Variants in KIZ observed in about 807,000 individuals in gnomAD.
The protein encoded by KIZ is kizuna centrosomal protein.
Under a neutral mutation model 79.6 loss-of-function variants are expected in KIZ, and 68 were observed. The observed-to-expected ratio is 0.85, with a 90% CI of 0.70 to 1.05. The LOEUF (loss-of-function observed/expected upper bound fraction) is 1.05. KIZ is among the 50% of genes least tolerant of loss of function. The pLI is 0.00. For synonymous variants in KIZ, 280 were observed against 281.8 expected (o/e 0.99, Z 0.06); for missense variants, 797 against 800.4 (o/e 1.00, Z 0.05).
At position 21,142,807 on chromosome 20, in the gene KIZ, A is replaced by AAATAAATG. The variant is rs1370290058; in HGVS notation, c.316-2751_316-2750insGAATAAAT. ...CCTTGTCTCAAATAAATAAATAAAT[A>AAATAAATG]AATAAATAAAGTAAAATAGATGTGT... On this transcript the variant is annotated intron_variant, in intron 3 of 12. Coordinates refer to ENST00000619189, the MANE Select transcript of KIZ (RefSeq NM_018474.6). Among the ~76,000 whole-genome samples, 12 of 151,878 alleles carry AAATAAATG rather than the reference A, an allele frequency of 7.9e-5. No individual in the cohort carries two copies. In the South Asian group the frequency reaches 2.5e-3, roughly 32 times the overall value.
At chr20:21,235,538 G>A (rs76586047) in intron 11 of KIZ, among the ~76,000 whole-genome samples, 2,993 of 152,262 alleles carry the variant, frequency 0.02, 62 homozygotes, top group Admixed American at 0.061. Context: ...GCATGCCAGA[G>A]CTTCCTCTCC....
chr20:21,228,260 C>T (rs2036718821), intron 9 of KIZ, among the ~76,000 whole-genome samples: 2 of 152,202 alleles, frequency 1.3e-5, no homozygotes, highest in African/African-American at 4.8e-5. Flanking sequence ...TCCTGCATTT[C>T]ATCTGGGTGC....
Position 21,162,097 on chromosome 20 carries a change from C to T in KIZ, c.632C>T (p.Thr211Ile). The T allele has an allele frequency of 6.2e-7, 1 of 1,613,542 alleles. No homozygotes were observed. The highest frequency in any genetic ancestry group is 8.5e-7 in the Non-Finnish European group (1 of 1,179,604). Residue 211 changes from threonine (T) to isoleucine (I), a missense_variant, in exon 5 of 13, where the codon ACT becomes ATT. Physicochemically the swap from Thr to Ile is moderately conservative, Grantham distance 89. Coordinates refer to ENST00000619189, the MANE Select transcript of KIZ (RefSeq NM_018474.6). ...SNVTDSCVVQ[T>I]SNDTQCLNKS... ...GTGACAGACAGCTGTGTAGTACAAA[C>T]TAGTAATGACACACAGTGCTTAAAT... is the stretch of plus-strand genomic sequence containing the variant.
In KIZ at chr20:21,134,169, G is replaced by A. The variant is rs2032027440; in HGVS notation, c.152+2010G>A. Among the ~76,000 whole-genome samples, 3 of 152,142 alleles carry A rather than the reference G, an allele frequency of 2.0e-5. No individual in the cohort carries two copies. In the South Asian group the frequency reaches 6.2e-4, roughly 32 times the overall value. On this transcript the variant is annotated intron_variant, in intron 2 of 12. Coordinates refer to ENST00000619189, the MANE Select transcript of KIZ (RefSeq NM_018474.6). ...AGGAGGCGTGAGGTGGGCACAAAGGGTGTCTCATCCAGCAGCCCACCAGAC... is the reference window on the plus strand; with the variant it reads ...AGGAGGCGTGAGGTGGGCACAAAGGATGTCTCATCCAGCAGCCCACCAGAC...
chr20:21,142,790 C>CAAATAAATAAATAAATAAAT (rs56314647), intron 3 of KIZ, among the ~76,000 whole-genome samples: 1,684 of 147,938 alleles, frequency 0.011, 43 homozygotes, highest in African/African-American at 0.038. Context: ...GCCCTTGTCT[C>CAAATAAATAAATAAATAAAT]AAATAAATAA....
intron 4 of KIZ, chr20:21,154,018 C>A (rs984964022): frequency 6.6e-6 from 1 of 152,052 alleles, no homozygotes; most frequent in Admixed American, 6.5e-5. Context: ...CATATAACTT[C>A]AGGATTGTTG....
intron 11 of KIZ, among the ~76,000 whole-genome samples, chr20:21,237,087 C>T (rs1473599282): frequency 1.3e-5 from 2 of 151,280 alleles, no homozygotes; most frequent in Non-Finnish European, 2.9e-5. Flanking sequence ...GGACCGCCTG[C>T]AGTCAGGAGT....
chr20:21,191,597 G>A (rs1568961024), intron 6 of KIZ, among the ~76,000 whole-genome samples: 1 of 152,204 alleles, frequency 6.6e-6, no homozygotes, highest in Admixed American at 6.5e-5. Context: ...GTGACTGGAT[G>A]CTCATTGATC....
chr20:21,144,479 T>A (rs2032741779), intron 3 of KIZ, among the ~76,000 whole-genome samples: 1 of 152,166 alleles, frequency 6.6e-6, no homozygotes, highest in Non-Finnish European at 1.5e-5. Flanking sequence ...TATTGCTTTA[T>A]CTATTCCTAG....
intron 1 of KIZ, among the ~76,000 whole-genome samples, chr20:21,130,129 C>T (rs998249088): frequency 1.3e-5 from 2 of 152,180 alleles, no homozygotes; most frequent in African/African-American, 4.8e-5. Context: ...GGTCCAGTGG[C>T]TCACCTGCAA....
In KIZ at chr20:21,244,320, T is replaced by G. The variant is rs374576621; in HGVS notation, c.1924+32T>G. On this transcript the variant is annotated intron_variant, in intron 12 of 12. Transcript: ENST00000619189. ...GAGATAATCGGACACTAGATTTTCT[T>G]TTTCTGTTTTAACCAAAAAACTCTG... The G allele has an allele frequency of 4.4e-5, 67 of 1,517,964 alleles. No individual in the cohort carries two copies. In the African/African-American group the frequency reaches 8.8e-4, roughly 20 times the overall value. The allele number at this position is 1,517,964 out of a possible 1,614,324, so 94.0% of individuals were successfully genotyped here.
intron 4 of KIZ, among the ~76,000 whole-genome samples, chr20:21,149,066 A>G (rs1367581536): frequency 6.6e-6 from 1 of 152,174 alleles, no homozygotes; most frequent in Non-Finnish European, 1.5e-5. Flanking sequence ...ACAACCCTGG[A>G]AGTAGAGGAT....
At chr20:21,190,491 G>A (rs1309349007) in intron 6 of KIZ, among the ~76,000 whole-genome samples, 1 of 152,232 alleles carries the variant, frequency 6.6e-6, no homozygotes, top group Non-Finnish European at 1.5e-5. Flanking sequence ...GGATGGGAGA[G>A]TCACTAGAGA....
At position 21,246,503 on chromosome 20, in the gene KIZ, G is replaced by C. The variant is rs756456621; in HGVS notation, c.1949G>C (p.Ser650Thr). ...SNALWDESDD[S>T]NSEIEAALRP... ...GCCCTCTGGGATGAGTCTGATGACAGTAACTCAGAAATTGAGGCTGCTTTA... is the reference window on the plus strand; with the variant it reads ...GCCCTCTGGGATGAGTCTGATGACACTAACTCAGAAATTGAGGCTGCTTTA... Residue 650 changes from serine to threonine, a missense_variant, in exon 13 of 13, where the codon AGT (serine) becomes ACT (threonine). By Grantham distance (58) the Ser-to-Thr change is moderately conservative. Coordinates refer to ENST00000619189, the MANE Select transcript of KIZ (RefSeq NM_018474.6). 6.2e-7 allele frequency: 1 copy of C among 1,609,432 alleles called. No homozygotes were observed. The highest frequency in any genetic ancestry group is 8.5e-7 in the Non-Finnish European group (1 of 1,176,118).
At chr20:21,212,919 G>A (rs1458340018) in intron 7 of KIZ, among the ~76,000 whole-genome samples, 1 of 152,194 alleles carries the variant, frequency 6.6e-6, no homozygotes, top group Non-Finnish European at 1.5e-5. Context: ...TACTGAGCAA[G>A]TCATCCCAAC....
intron 6 of KIZ, 58 bp from the exon 7 acceptor site, chr20:21,205,433 A>C: frequency 2.8e-6 from 2 of 711,224 alleles, no homozygotes; most frequent in Middle Eastern, 2.4e-4. Context: ...GCCTTTAAAA[A>C]TGTGGGAATC....
intron 8 of KIZ, among the ~76,000 whole-genome samples, chr20:21,215,342 A>G (rs1383630104): frequency 6.6e-6 from 1 of 152,256 alleles, no homozygotes; most frequent in African/African-American, 2.4e-5. Flanking sequence ...GATAGATGTC[A>G]GGCCCAGTTA....
Position 21,199,721 on chromosome 20 carries a change from A to AGG in KIZ, c.1353-5770_1353-5769insGG, listed in dbSNP as rs2035510123. 3.9e-5 allele frequency among the ~76,000 whole-genome samples: 6 copies of AGG among 152,354 alleles called. No homozygotes were observed. The South Asian group carries it at 1.2e-3, about 32-fold the overall frequency. ...AAATAGACCTATCTGCTTTGTGATC[A>AGG]TCACCTGGCCAGTTTGATCAACCAT... On this transcript the variant is annotated intron_variant, in intron 6 of 12. Transcript: ENST00000619189.
At chr20:21,192,669 T>C (rs779654518) in intron 6 of KIZ, among the ~76,000 whole-genome samples, 2 of 152,330 alleles carry the variant, frequency 1.3e-5, no homozygotes, top group East Asian at 1.9e-4. Flanking sequence ...TGTTTTGATA[T>C]GCACAGCACA....
Sources: gnomAD v4.1 joint callset for allele counts (sites outside exome capture counted in the v4.1 genomes callset) on GRCh38, gnomAD v4.1.1 for gene constraint, MANE v1.5 for transcripts, NCBI Gene and HGNC (gene_info 2026-07-23, HGNC 2026-07-21) for gene names.